The following PABPC5 variants were observed in gnomAD, a reference collection of about 807,000 sequenced individuals.
The protein encoded by PABPC5 is polyadenylate-binding protein 5.
In PABPC5, 6 loss-of-function variants were observed where a neutral mutation model predicts 12.6. The ratio of observed to expected loss-of-function variants is 0.48; its 90% confidence interval spans 0.26 to 0.94. The LOEUF (loss-of-function observed/expected upper bound fraction) is 0.94, where lower values mean the gene tolerates loss of function less well. PABPC5 is among the 40% of genes least tolerant of loss of function. The pLI is 0.14. For synonymous variants in PABPC5, 124 were observed against 118.4 expected, an observed-to-expected ratio of 1.05 and a Z score of -0.31; for missense variants, 244 against 302.8, an observed-to-expected ratio of 0.81 and a Z score of 1.44.
chrX:91,436,758 G>A lies in PABPC5; in HGVS notation c.*32G>A. ...GAATGCTCAGTTTGTTTCAGCCTTA[G>A]TTGGTGCCTCCTTAGTTTGGGCTCC... On this transcript the variant is annotated 3_prime_UTR_variant, in exon 2 of 2. Coordinates refer to ENST00000312600, the MANE Select transcript of PABPC5 (RefSeq NM_080832.3). 5.2e-6 allele frequency: 6 copies of A among 1,151,324 alleles called. No individual in the cohort carries two copies. Among genetic ancestry groups the A allele is most frequent in the African/African-American group, 1.8e-5 (1 of 56,035 alleles). The allele number at this position is 1,151,324 out of a possible 1,213,427, so 94.9% of individuals were successfully genotyped here.
rs763971360 is a variant in PABPC5 at position 91,435,643 on chromosome X, G to A, written c.66G>A (p.Val22=). The A allele has an allele frequency of 1.7e-5, 21 of 1,209,150 alleles. No homozygotes were observed. Among genetic ancestry groups the A allele is most frequent in the Non-Finnish European group, 2.3e-5 (21 of 894,863 alleles). ...KKKYLKAALY[V]GDLDPDVTED... ...AGTATCTCAAGGCCGCTCTGTACGTGGGTGACTTGGACCCAGATGTCACCG... is the reference window on the plus strand; with the variant it reads ...AGTATCTCAAGGCCGCTCTGTACGTAGGTGACTTGGACCCAGATGTCACCG... The change falls in exon 2 of 2, where the codon GTG becomes GTA. Residue 22 remains valine (V), a synonymous_variant. Coordinates refer to ENST00000312600, the MANE Select transcript of PABPC5 (RefSeq NM_080832.3).
Position 91,436,535 on chromosome X carries a change from G to A in PABPC5, c.958G>A (p.Glu320Lys). Residue 320 changes from glutamate (E) to lysine (K), a missense_variant, in exon 2 of 2, where the codon GAG becomes AAG. This residue lies in a region of PABPC5 where 211 missense variants were observed against 261.5 expected (regional missense o/e 0.81). Coordinates refer to ENST00000312600, the MANE Select transcript of PABPC5 (RefSeq NM_080832.3). ...GACAATCAATGATGAAAAACTGAAG[G>A]AGGAATTTTCTTCCTTTGGGTCAAT... ...DETINDEKLK[E>K]EFSSFGSISR... The A allele has an allele frequency of 8.3e-7, 1 of 1,211,960 alleles. No homozygotes were observed. Among genetic ancestry groups the A allele is most frequent in the South Asian group, 1.8e-5 (1 of 57,023 alleles).
chrX:91,435,869 G>C lies in PABPC5; in HGVS notation c.292G>C (p.Asp98His). ...PFRLMWSQPD[D>H]RLRKSGVGNI... ...CCGCCTTATGTGGTCTCAGCCAGAT[G>C]ACCGCTTAAGAAAGTCTGGAGTGGG... The change falls in exon 2 of 2, where the codon GAC becomes CAC. Residue 98 changes from aspartate (D) to histidine (H), a missense_variant. By Grantham distance (81) the Asp-to-His change is moderately conservative. Around this residue, in one of 3 missense-constraint regions of PABPC5, gnomAD observed 211 missense variants for 261.5 expected, o/e 0.81. Transcript: ENST00000312600. 8.3e-7 allele frequency: 1 copy of C among 1,211,885 alleles called. No homozygotes were observed. Among genetic ancestry groups the C allele is most frequent in the Non-Finnish European group, 1.1e-6 (1 of 895,468 alleles).
rs762667750 is a variant in PABPC5 at position 91,436,881 on chromosome X, T to C, written c.*155T>C. On this transcript the variant is annotated 3_prime_UTR_variant, in exon 2 of 2. Transcript: ENST00000312600. ...CAAAACTAGAAAACTTTATTCATTT[T>C]AGAATAGAACATAATTTCTAACTGT... 22 of 482,466 alleles carry C rather than the reference T, an allele frequency of 4.6e-5. No individual in the cohort carries two copies. Among genetic ancestry groups the C allele is most frequent in the Middle Eastern group, 1.2e-3 (2 of 1,606 alleles). The allele number at this position is 482,466 out of a possible 1,213,427, so 39.8% of individuals were successfully genotyped here.
In PABPC5 at chrX:91,437,376, G is replaced by C. The variant is rs919001242; in HGVS notation, c.*650G>C. The stretch of plus-strand genomic sequence containing the variant: ...AAGCATATTGGTGTTTTCTCAATTA[G>C]TCACTGAGAAAATTAACACTTTAGG... On this transcript the variant is annotated 3_prime_UTR_variant, in exon 2 of 2. Transcript: ENST00000312600. The C allele has an allele frequency of 2.4e-5, 3 of 122,684 alleles. No individual in the cohort carries two copies. Among genetic ancestry groups the C allele is most frequent in the Non-Finnish European group, 1.9e-5 (1 of 53,088 alleles). The allele number at this position is 122,684 out of a possible 1,213,427, so 10.1% of individuals were successfully genotyped here.
Position 91,435,950 on chromosome X carries a change from T to C in PABPC5, c.373T>C (p.Leu125=). Residue 125 remains leucine, a synonymous_variant, in exon 2 of 2, where the codon TTA becomes CTA. Transcript: ENST00000312600. ...KSIDNRALFY[L]FSAFGNILSC... is the part of the protein sequence containing the mutation. ...CATAGACAATAGGGCCCTGTTTTAC[T>C]TATTTTCTGCTTTTGGGAACATTCT... is the stretch of plus-strand genomic sequence containing the variant. The C allele has an allele frequency of 8.3e-7, 1 of 1,211,896 alleles. No homozygotes were observed. Among genetic ancestry groups the C allele is most frequent in the Non-Finnish European group, 1.1e-6 (1 of 895,474 alleles).
At position 91,436,654 on chromosome X, in the gene PABPC5, T is replaced by C; in HGVS notation, c.1077T>C (p.Asp359=). ...TTGAAGAGGCTACCAAAGCAGTGGA[T>C]GAGATGAATGGCCGCATAGTGGGCT... is the stretch of plus-strand genomic sequence containing the variant. ...SSFEEATKAV[D]EMNGRIVGSK... is the part of the protein sequence containing the mutation. The change falls in exon 2 of 2, where the codon GAT becomes GAC. Residue 359 remains aspartate, a synonymous_variant. Coordinates refer to ENST00000312600, the MANE Select transcript of PABPC5 (RefSeq NM_080832.3). 1 of 1,209,719 alleles carries C rather than the reference T, an allele frequency of 8.3e-7. No homozygotes were observed. The highest frequency in any genetic ancestry group is 1.8e-5 in the South Asian group (1 of 56,928).
chrX:91,435,492 T>C lies in PABPC5; in HGVS notation c.-86T>C. 1 of 937,321 alleles carries C rather than the reference T, an allele frequency of 1.1e-6. No individual in the cohort carries two copies. Among genetic ancestry groups the C allele is most frequent in the Non-Finnish European group, 1.5e-6 (1 of 688,948 alleles). 77.2% of individuals were successfully genotyped at this position (937,321 alleles called of 1,213,427 possible). A position where few individuals can be genotyped will look rare whatever the true frequency, so the allele number is the denominator to read the frequency against. The stretch of plus-strand genomic sequence containing the variant: ...TCCTTTTGCCTGCCTTGGCTTTTTC[T>C]GTTCGTGAACAGCTGTTTGGCCCAT... On this transcript the variant is annotated 5_prime_UTR_variant, in exon 2 of 2. Coordinates refer to ENST00000312600, the MANE Select transcript of PABPC5 (RefSeq NM_080832.3).
In PABPC5 at chrX:91,437,067, G is replaced by A. The variant is rs1931615957; in HGVS notation, c.*341G>A. ...ATACTCTATTTTTTTTCATGAAAAT[G>A]TCAACATGGTTCTTCTGAATCTATC... On this transcript the variant is annotated 3_prime_UTR_variant, in exon 2 of 2. Transcript: ENST00000312600. 1 of 182,435 alleles carries A rather than the reference G, an allele frequency of 5.5e-6. No individual in the cohort carries two copies. The allele number at this position is 182,435 out of a possible 1,213,427, so 15.0% of individuals were successfully genotyped here.
rs752338428 is a variant in PABPC5, at chrX:91,436,324, C to T, written c.747C>T (p.His249=). 3 of 1,211,467 alleles carry T rather than the reference C, an allele frequency of 2.5e-6. No homozygotes were observed. The South Asian group carries it at 5.3e-5, about 21-fold the overall frequency. The change falls in exon 2 of 2, where the codon CAC becomes CAT. Residue 249 remains histidine (H), a synonymous_variant. Coordinates refer to ENST00000312600, the MANE Select transcript of PABPC5 (RefSeq NM_080832.3). Reference sequence around the variant, plus strand: ...TTGGATTTGTGAGATATGAGACACACGAGGCTGCCCAAAAGGCTGTGCTAG... The same window carrying T: ...TTGGATTTGTGAGATATGAGACACATGAGGCTGCCCAAAAGGCTGTGCTAG... ...KGFGFVRYET[H]EAAQKAVLDL...
chrX:91,436,297 C>T lies in PABPC5; in HGVS notation c.720C>T (p.Gly240=). ...GAGATGCCAGTGGGAAATCTAAAGG[C>T]TTTGGATTTGTGAGATATGAGACAC... ...VIRDASGKSK[G]FGFVRYETHE... The change falls in exon 2 of 2, where the codon GGC becomes GGT. Residue 240 remains glycine, a synonymous_variant. Transcript: ENST00000312600. 1 of 1,211,485 alleles carries T rather than the reference C, an allele frequency of 8.3e-7. No homozygotes were observed. Among genetic ancestry groups the T allele is most frequent in the Non-Finnish European group, 1.1e-6 (1 of 895,480 alleles).
chrX:91,436,819 GTTTTT>G lies in PABPC5; in HGVS notation c.*98_*102del. 2 of 796,624 alleles carry G rather than the reference GTTTTT, an allele frequency of 2.5e-6. No homozygotes were observed. The highest frequency in any genetic ancestry group is 3.4e-6 in the Non-Finnish European group (2 of 590,960). 65.7% of individuals were successfully genotyped at this position (796,624 alleles called of 1,213,427 possible). On this transcript the variant is annotated 3_prime_UTR_variant, in exon 2 of 2. Coordinates refer to ENST00000312600, the MANE Select transcript of PABPC5 (RefSeq NM_080832.3). ...GGGGTTATTTTATGCTAATTCACAAGTTTTTTTTTGAAGTGAATTCTTTTGAAAAA... is the reference window on the plus strand; with the variant it reads ...GGGGTTATTTTATGCTAATTCACAAGTTTTGAAGTGAATTCTTTTGAAAAA...
chrX:91,436,603 A>G lies in PABPC5; in HGVS notation c.1026A>G (p.Gly342=), dbSNP rs1326754694. 8.3e-7 allele frequency: 1 copy of G among 1,210,130 alleles called. No homozygotes were observed. Among genetic ancestry groups the G allele is most frequent in the African/African-American group, 1.7e-5 (1 of 57,178 alleles). ...TGATGGAAGTGGGGCAAGGCAAAGG[A>G]TTTGGTGTGGTCTGCTTTTCCTCTT... ...KVMMEVGQGK[G]FGVVCFSSFE... The change falls in exon 2 of 2, where the codon GGA becomes GGG. Residue 342 remains glycine (G), a synonymous_variant. Coordinates refer to ENST00000312600, the MANE Select transcript of PABPC5 (RefSeq NM_080832.3).
rs772228104 is a variant in PABPC5 at position 91,434,863 on chromosome X, C to T, written c.-175C>T. The T allele has an allele frequency of 2.7e-5, 3 of 111,893 alleles. No homozygotes were observed. Among genetic ancestry groups the T allele is most frequent in the Non-Finnish European group, 3.8e-5 (2 of 53,120 alleles). The allele number at this position is 111,893 out of a possible 1,213,427, so 9.2% of individuals were successfully genotyped here. A position where few individuals can be genotyped will look rare whatever the true frequency, so the allele number is the denominator to read the frequency against. ...CAGTCTCTCCGGACCTGCCTCGAGC[C>T]TCAGGCTGCTGAAATCACCGCGCCT... On this transcript the variant is annotated 5_prime_UTR_variant, in exon 1 of 2. Coordinates refer to ENST00000312600, the MANE Select transcript of PABPC5 (RefSeq NM_080832.3).
Position 91,437,921 on chromosome X carries a change from T to C in PABPC5, c.*1195T>C, listed in dbSNP as rs992501674. 8.2e-6 allele frequency: 1 copy of C among 122,618 alleles called. No homozygotes were observed. Among genetic ancestry groups the C allele is most frequent in the Non-Finnish European group, 1.9e-5 (1 of 52,967 alleles). The allele number at this position is 122,618 out of a possible 1,213,427, so 10.1% of individuals were successfully genotyped here. A position where few individuals can be genotyped will look rare whatever the true frequency, so the allele number is the denominator to read the frequency against. The stretch of plus-strand genomic sequence containing the variant: ...CCTGTAATTTCTAAATTGGAGATTC[T>C]CTACATTTCACTTGCAGTTTCCTGT... On this transcript the variant is annotated 3_prime_UTR_variant, in exon 2 of 2. Transcript: ENST00000312600.
In PABPC5 at chrX:91,436,471, GC is replaced by G. The variant is rs1569327100; in HGVS notation, c.899del (p.Pro300GlnfsTer19). ...GGCTGAGGTTAAAAGAAAAAAGTCGGCCCCCAGGGGTGCCTATCTATATTAA... is the reference window on the plus strand; with the variant it reads ...GGCTGAGGTTAAAAGAAAAAAGTCGGCCCCAGGGGTGCCTATCTATATTAA... ...ERLRLKEKSR[P>X]PGVPIYIKNL... is the part of the protein sequence containing the mutation. On this transcript the variant is annotated frameshift_variant, in exon 2 of 2. Coordinates refer to ENST00000312600, the MANE Select transcript of PABPC5 (RefSeq NM_080832.3). LOFTEE classifies it high-confidence loss of function. The G allele has an allele frequency of 8.3e-7, 1 of 1,211,696 alleles. No individual in the cohort carries two copies.
Position 91,438,143 on chromosome X carries a change from C to T in PABPC5, c.*1417C>T, listed in dbSNP as rs776185840. ...AACATTAGAATATGTTTTATCTCTA[C>T]TGTCAGTTTTATTACCTTATATACA... On this transcript the variant is annotated 3_prime_UTR_variant, in exon 2 of 2. Coordinates refer to ENST00000312600, the MANE Select transcript of PABPC5 (RefSeq NM_080832.3). 3.2e-4 allele frequency: 39 copies of T among 122,960 alleles called. No homozygotes were observed. The highest frequency in any genetic ancestry group is 2.9e-4 in the Admixed American group (3 of 10,477). The allele number at this position is 122,960 out of a possible 1,213,427, so 10.1% of individuals were successfully genotyped here.
In PABPC5 at chrX:91,436,455, T is replaced by C; in HGVS notation, c.878T>C (p.Leu293Ser). Residue 293 changes from leucine (L) to serine (S), a missense_variant, in exon 2 of 2, where the codon TTA becomes TCA. By Grantham distance (145) the Leu-to-Ser change is moderately radical. Coordinates refer to ENST00000312600, the MANE Select transcript of PABPC5 (RefSeq NM_080832.3). ...ELRRRFERLR[L>S]KEKSRPPGVP... ...AGGCGGAGATTTGAACGGCTGAGGT[T>C]AAAAGAAAAAAGTCGGCCCCCAGGG... 8.3e-7 allele frequency: 1 copy of C among 1,211,603 alleles called. No individual in the cohort carries two copies. The highest frequency in any genetic ancestry group is 1.1e-6 in the Non-Finnish European group (1 of 895,487).
In PABPC5 at chrX:91,436,004, G is replaced by A; in HGVS notation, c.427G>A (p.Gly143Ser). 2 of 1,211,502 alleles carry A rather than the reference G, an allele frequency of 1.7e-6. No homozygotes were observed. Among genetic ancestry groups the A allele is most frequent in the East Asian group, 3.0e-5 (1 of 33,820 alleles). Residue 143 changes from glycine (G) to serine (S), a missense_variant, in exon 2 of 2, where the codon GGC (glycine) becomes AGC (serine). Physicochemically the swap from Gly to Ser is moderately conservative, Grantham distance 56 (BLOSUM62 0). This residue lies in a region of PABPC5 where 211 missense variants were observed against 261.5 expected (regional missense o/e 0.81). Coordinates refer to ENST00000312600, the MANE Select transcript of PABPC5 (RefSeq NM_080832.3). ...CTGCAAAGTCGTATGCGATGACAAC[G>A]GCTCTAAGGGTTATGCCTATGTTCA... Reference protein sequence around the residue: ...LSCKVVCDDNGSKGYAYVHFD... With the variant: ...LSCKVVCDDNSSKGYAYVHFD...
Sources: allele counts gnomAD v4.1 joint callset, GRCh38; gene constraint gnomAD v4.1.1; regional missense constraint gnomAD v4.1.1; transcripts MANE v1.5; gene names NCBI Gene and HGNC (gene_info 2026-07-23, HGNC 2026-07-21).